ANO7: variants seen among roughly 807,000 people sequenced by gnomAD.
ANO7 encodes anoctamin-7.
ANO7 carries 114 observed loss-of-function variants against 115.8 expected under a neutral mutation model. That is an observed-to-expected ratio of 0.98 (90% CI 0.85 to 1.15). The LOEUF is 1.15. Ranked by LOEUF, ANO7 falls within the 50% of genes most tolerant of loss-of-function variation. The pLI, the probability that ANO7 is intolerant of heterozygous loss-of-function variation, is 0.00. For missense variants in ANO7, 1,302 were observed against 1,201.2 expected, an observed-to-expected ratio of 1.08 and a Z score of -1.24; for synonymous variants, 550 against 498.2, an observed-to-expected ratio of 1.10 and a Z score of -1.38.
At chr2:241,218,677 G>A (rs2068931509) in intron 21 of ANO7, among the ~76,000 whole-genome samples, 1 of 152,258 alleles carries the variant, frequency 6.6e-6, no homozygotes, top group Admixed American at 6.5e-5. Flanking sequence ...CCGGATTAAA[G>A]AAGGAAGAGG....
chr2:241,232,797 A>G, the ANO7 span, among the ~76,000 whole-genome samples: 251 of 152,192 alleles, frequency 1.6e-3, 1 homozygote, highest in South Asian at 3.9e-3. Flanking sequence ...TGGGGCAACA[A>G]GACAAAGACT....
In ANO7 at chr2:241,203,326, C is replaced by A. The variant is rs1303521552; in HGVS notation, c.724-7C>A. ...GAGCCTCCCACCCACAGGCCGCTCG[C>A]CCCCAGGGCCCCTTCAAGACGCCCC... On this transcript the variant is annotated splice_region_variant and splice_polypyrimidine_tract_variant and intron_variant, in intron 8 of 24. Coordinates refer to ENST00000674324, the MANE Select transcript of ANO7 (RefSeq NM_001370694.2). The surrounding 1 kb of genome is among the most constrained non-coding windows in gnomAD (Gnocchi z 4.8). The A allele has an allele frequency of 6.6e-7, 1 of 1,523,082 alleles. No individual in the cohort carries two copies. Among genetic ancestry groups the A allele is most frequent in the Non-Finnish European group, 8.8e-7 (1 of 1,136,682 alleles). The allele number at this position is 1,523,082 out of a possible 1,614,324, so 94.3% of individuals were successfully genotyped here.
chr2:241,240,095 G>A, the ANO7 span: 14 of 1,614,156 alleles, frequency 8.7e-6, no homozygotes, highest in East Asian at 2.2e-5. This position sits in a 1 kb window ranked among gnomAD's most constrained non-coding sequence, Gnocchi z 5.5. Context: ...GGCTTGGCGC[G>A]GATGTCAACA....
At chr2:241,209,233 C>A (rs538928383) in intron 11 of ANO7, 52 bp from the exon 12 acceptor site, 2 of 1,519,066 alleles carry the variant, frequency 1.3e-6, no homozygotes, top group Admixed American at 4.1e-5. Flanking sequence ...CTGGAAGGAA[C>A]AAGGGGCCTC....
rs573740329 is a variant in ANO7, at chr2:241,225,805, C to T, written c.*1652C>T. Among the ~76,000 whole-genome samples, 4 of 152,158 alleles carry T rather than the reference C, an allele frequency of 2.6e-5. No homozygotes were observed. The highest frequency in any genetic ancestry group is 3.9e-4 in the East Asian group (2 of 5,178). Reference sequence around the variant, plus strand: ...CGCCCTGGGGCTGGACACCACCGGCCGGAGCATGGCGGACAGCACACACGG... The same window carrying T: ...CGCCCTGGGGCTGGACACCACCGGCTGGAGCATGGCGGACAGCACACACGG... On this transcript the variant is annotated 3_prime_UTR_variant, in exon 25 of 25. Transcript: ENST00000674324.
downstream of ANO7, chr2:241,229,784 G>GCCCCCC: frequency 2.7e-6 from 4 of 1,502,520 alleles, no homozygotes; most frequent in South Asian, 1.2e-5. Context: ...AAGCCCGCCT[G>GCCCCCC]CCCGCCCACC....
intron 20 of ANO7, 63 bp from the exon 21 acceptor site, chr2:241,218,176 G>GT: frequency 9.3e-7 from 1 of 1,078,380 alleles, no homozygotes; most frequent in Non-Finnish European, 1.1e-6. Flanking sequence ...GCGCGCAGGG[G>GT]CGGAGCGGGG....
intron 21 of ANO7, among the ~76,000 whole-genome samples, chr2:241,218,851 A>G (rs1048505028): frequency 6.6e-6 from 1 of 152,226 alleles, no homozygotes; most frequent in Non-Finnish European, 1.5e-5. Flanking sequence ...GGCTACATAC[A>G]TCAGCTAACG....
chr2:241,212,953 T>G, intron 17 of ANO7: 2 of 317,550 alleles, frequency 6.3e-6, no homozygotes, highest in Non-Finnish European at 5.9e-6. Context: ...GACAACATAG[T>G]GAGTCCTCAT....
intron 9 of ANO7, among the ~76,000 whole-genome samples, chr2:241,204,422 A>AGGGTGG (rs1365721675): frequency 7.2e-4 from 5 of 6,930 alleles, no homozygotes; most frequent in African/African-American, 3.4e-3. Flanking sequence ...GGCAGGGGCC[A>AGGGTGG]GGGTGGGGGT....
chr2:241,222,629 G>A (rs1283432497), intron 21 of ANO7, among the ~76,000 whole-genome samples: 3 of 152,018 alleles, frequency 2.0e-5, no homozygotes, highest in Non-Finnish European at 4.4e-5. Flanking sequence ...CCTGGTAATA[G>A]TTTTCATGGA....
At chr2:241,213,224 C>A (rs1003031558) in intron 17 of ANO7, among the ~76,000 whole-genome samples, 1 of 151,440 alleles carries the variant, frequency 6.6e-6, no homozygotes, top group Non-Finnish European at 1.5e-5. Context: ...AGGGGCTGGC[C>A]TCCTCATGGC....
At chr2:241,236,554 T>TC in the ANO7 span, 2 of 1,564,790 alleles carry the variant, frequency 1.3e-6, no homozygotes, top group Non-Finnish European at 1.8e-6. Flanking sequence ...GCCACGCGTC[T>TC]CCCCAGGTGC....
chr2:241,204,812 G>A (rs1258877176), intron 9 of ANO7, 53 bp from the exon 10 acceptor site: 3 of 1,492,914 alleles, frequency 2.0e-6, no homozygotes, highest in Non-Finnish European at 2.8e-6. Context: ...ACCCCTACCT[G>A]GGGCCCCCAA....
At chr2:241,233,917 T>C in the ANO7 span, 1 of 1,614,034 alleles carries the variant, frequency 6.2e-7, no homozygotes, top group Non-Finnish European at 8.5e-7. The surrounding 1 kb of genome is among the most constrained non-coding windows in gnomAD (Gnocchi z 4.3). Flanking sequence ...AATCTTGGGA[T>C]GGTATTTGGG....
At chr2:241,223,511 GC>G (rs2069077133) in intron 22 of ANO7, 150 bp from the exon 23 acceptor site, 5 of 1,270,932 alleles carry the variant, frequency 3.9e-6, no homozygotes, top group Admixed American at 2.2e-5. Flanking sequence ...AGCTGGGGTG[GC>G]CTCTGCCCCT....
chr2:241,228,056 G>A (rs891846428), downstream of ANO7: 2 of 152,248 alleles, frequency 1.3e-5, no homozygotes, highest in South Asian at 4.1e-4. Flanking sequence ...AGCCGTCTGG[G>A]TCTACTCAAG....
chr2:241,235,305 A>G, the ANO7 span: 1 of 1,613,232 alleles, frequency 6.2e-7, no homozygotes, highest in East Asian at 2.2e-5. Flanking sequence ...GAGAACAGGA[A>G]AGAGTCCATT....
chr2:241,227,053 G>A (rs2069207643), downstream of ANO7, among the ~76,000 whole-genome samples: 1 of 152,210 alleles, frequency 6.6e-6, no homozygotes, highest in South Asian at 2.1e-4. Flanking sequence ...GAGGGCTGCA[G>A]GGCAACTGCT....
Sources: allele counts gnomAD v4.1 joint callset (sites outside exome capture counted in the v4.1 genomes callset), GRCh38; gene constraint gnomAD v4.1.1; non-coding constraint Gnocchi (gnomAD v3.1); transcripts MANE v1.5; gene names NCBI Gene and HGNC (gene_info 2026-07-23, HGNC 2026-07-21).